The following AFF2 variants were observed in gnomAD, a reference collection of about 807,000 sequenced individuals.
The protein encoded by AFF2 is AF4/FMR2 family member 2.
Under a neutral mutation model 76.9 loss-of-function variants are expected in AFF2, and 14 were observed. That is an observed-to-expected ratio of 0.18 (90% CI 0.12 to 0.28). AFF2 has a LOEUF of 0.28. AFF2 is among the 10% of genes least tolerant of loss of function. AFF2 has a pLI of 1.00. For synonymous variants in AFF2, 398 were observed against 366.7 expected (o/e 1.09, Z -0.98); for missense variants, 868 against 1,001.1 (o/e 0.87, Z 1.79).
At chrX:148,586,664 G>A (rs1447750946) in intron 1 of AFF2, among the ~76,000 whole-genome samples, 1 of 111,933 alleles carries the variant, frequency 8.9e-6, no homozygotes, top group East Asian at 2.8e-4. Flanking sequence ...AATAAGAGAT[G>A]CTCCTCTGAA....
chrX:148,645,320 T>C (rs1458710568), intron 1 of AFF2, among the ~76,000 whole-genome samples: 4 of 112,165 alleles, frequency 3.6e-5, no homozygotes, highest in African/African-American at 1.3e-4. Flanking sequence ...ACCTTTACAC[T>C]AACCATGCAG....
In AFF2 at chrX:148,779,472, G is replaced by A. The variant is rs377671718; in HGVS notation, c.1042-30404G>A. 7.6e-4 allele frequency among the ~76,000 whole-genome samples: 85 copies of A among 111,845 alleles called. No individual in the cohort carries two copies. In the East Asian group the frequency reaches 0.013, roughly 17 times the overall value. On this transcript the variant is annotated intron_variant, in intron 3 of 20. Coordinates refer to ENST00000370460, the MANE Select transcript of AFF2 (RefSeq NM_002025.4). ...AAAGCGTCCCACTATTATTGTGTGG[G>A]AGTCTAAGTCTCTTTGTAGGTCTCT...
intron 10 of AFF2, 65 bp downstream of exon 10, chrX:148,953,804 C>A: frequency 1.2e-6 from 1 of 856,605 alleles, no homozygotes; most frequent in Non-Finnish European, 1.7e-6. Context: ...CCTCAACACA[C>A]ACACACACAG....
chrX:148,654,105 G>C, intron 2 of AFF2, among the ~76,000 whole-genome samples: 1 of 111,310 alleles, frequency 9.0e-6, no homozygotes, highest in East Asian at 2.8e-4. Flanking sequence ...CCATTTAAGG[G>C]GTAAAAGAGG....
chrX:148,636,428 T>C (rs1603264636), intron 1 of AFF2, among the ~76,000 whole-genome samples: 1 of 112,287 alleles, frequency 8.9e-6, no homozygotes, highest in Admixed American at 9.5e-5. Context: ...GGCTACATTT[T>C]TGTTGTTGAG....
intron 3 of AFF2, among the ~76,000 whole-genome samples, chrX:148,666,474 A>G (rs1364863540): frequency 9.1e-6 from 1 of 110,069 alleles, no homozygotes; most frequent in African/African-American, 3.3e-5. Flanking sequence ...AGTCCCAGCT[A>G]CTCGGGAGGC....
chrX:148,720,956 T>A (rs1348841800), intron 3 of AFF2, among the ~76,000 whole-genome samples: 4 of 111,781 alleles, frequency 3.6e-5, no homozygotes, highest in African/African-American at 1.3e-4. Flanking sequence ...ATATTTGTCC[T>A]CCATAGAGAT....
intron 3 of AFF2, among the ~76,000 whole-genome samples, chrX:148,707,522 G>T (rs1426862150): frequency 1.9e-5 from 2 of 108,063 alleles, no homozygotes; most frequent in African/African-American, 6.7e-5. Flanking sequence ...TTTGTCATTT[G>T]GGGGAAGGAA....
chrX:148,792,771 G>A (rs1224091232), intron 3 of AFF2, among the ~76,000 whole-genome samples: 2 of 111,848 alleles, frequency 1.8e-5, no homozygotes, highest in Non-Finnish European at 3.8e-5. Flanking sequence ...CATTGAAAGC[G>A]ATCATTTTCT....
chrX:148,522,477 G>A (rs187127272), intron 1 of AFF2, among the ~76,000 whole-genome samples: 1 of 112,593 alleles, frequency 8.9e-6, no homozygotes, highest in East Asian at 2.8e-4. Flanking sequence ...AAAGCAATAG[G>A]GAAAAGGCTT....
Position 148,716,048 on chromosome X carries a change from A to G in AFF2, c.1041+53280A>G, listed in dbSNP as rs782642901. Among the ~76,000 whole-genome samples the G allele has an allele frequency of 1.8e-3, 202 of 111,183 alleles. 2 individuals are homozygous for G. The highest frequency in any genetic ancestry group is 2.4e-3 in the Non-Finnish European group (129 of 52,991). On this transcript the variant is annotated intron_variant, in intron 3 of 20. Coordinates refer to ENST00000370460, the MANE Select transcript of AFF2 (RefSeq NM_002025.4). ...GTGTATTCACAACCACATTATATAT[A>G]TTATTTTGCATAGGTGCATTTTACA... is the stretch of plus-strand genomic sequence containing the variant.
chrX:148,947,072 A>T (rs113039816), intron 9 of AFF2, among the ~76,000 whole-genome samples: 1,445 of 111,978 alleles, frequency 0.013, 22 homozygotes, highest in African/African-American at 0.045. Flanking sequence ...GTCTGAGAAA[A>T]TGAATAGGAA....
intron 4 of AFF2, among the ~76,000 whole-genome samples, chrX:148,832,128 T>C (rs1416604118): frequency 9.0e-6 from 1 of 110,539 alleles, no homozygotes. Context: ...GAGTACACTA[T>C]CTGTAAAGCA....
chrX:148,966,677 CTTTTT>C (rs111499310), intron 13 of AFF2, 108 bp from the exon 14 acceptor site: 40 of 1,002,311 alleles, frequency 4.0e-5, no homozygotes, highest in South Asian at 5.0e-5. Context: ...TGTTTTCTTT[CTTTTT>C]TTTTTTTTTT....
intron 15 of AFF2, among the ~76,000 whole-genome samples, chrX:148,968,496 C>T (rs782262393): frequency 7.9e-4 from 88 of 111,739 alleles, no homozygotes; most frequent in African/African-American, 2.9e-3. Flanking sequence ...TAGGGAAGGC[C>T]CTAAATTCAG....
intron 7 of AFF2, among the ~76,000 whole-genome samples, chrX:148,885,157 C>T (rs2071142582): frequency 8.9e-6 from 1 of 111,848 alleles, no homozygotes; most frequent in Non-Finnish European, 1.9e-5. Context: ...ATTAATATCC[C>T]TATAGAAACA....
At chrX:148,706,229 C>A (rs782290378) in intron 3 of AFF2, among the ~76,000 whole-genome samples, 11 of 112,075 alleles carry the variant, frequency 9.8e-5, no homozygotes, top group Admixed American at 2.8e-4. Flanking sequence ...CTTCTGGTAG[C>A]CATTCTAGCT....
At chrX:148,825,856 C>A (rs917449228) in intron 4 of AFF2, among the ~76,000 whole-genome samples, 1 of 107,844 alleles carries the variant, frequency 9.3e-6, no homozygotes, top group Non-Finnish European at 1.9e-5. Flanking sequence ...AGGAAGGCAA[C>A]GTGCTGTGGC....
At chrX:148,605,983 T>C (rs1235926294) in intron 1 of AFF2, among the ~76,000 whole-genome samples, 1 of 111,972 alleles carries the variant, frequency 8.9e-6, no homozygotes, top group Non-Finnish European at 1.9e-5. Context: ...TTTAGACCAG[T>C]TAAAAAGGGA....
Sources: gnomAD v4.1 joint callset for allele counts (sites outside exome capture counted in the v4.1 genomes callset) on GRCh38, gnomAD v4.1.1 for gene constraint, MANE v1.5 for transcripts, NCBI Gene and HGNC (gene_info 2026-07-23, HGNC 2026-07-21) for gene names.